The following CACNA2D1 variants were observed in gnomAD, a reference collection of about 807,000 sequenced individuals.
CACNA2D1 encodes the protein voltage-dependent calcium channel subunit alpha-2/delta-1.
Under a neutral mutation model 171.5 loss-of-function variants are expected in CACNA2D1, and 53 were observed. The observed-to-expected ratio is 0.31, with a 90% CI of 0.25 to 0.39. The LOEUF (loss-of-function observed/expected upper bound fraction) is 0.39. Ranked by LOEUF, CACNA2D1 falls within the 10% of genes least tolerant of loss-of-function variation. CACNA2D1 has a pLI of 1.00. For synonymous variants in CACNA2D1, 442 were observed against 443.1 expected, an observed-to-expected ratio of 1.00 and a Z score of 0.03; for missense variants, 903 against 1,299.8, an observed-to-expected ratio of 0.69 and a Z score of 4.69.
chr7:82,246,990 A>G (rs2129306649), intron 3 of CACNA2D1, among the ~76,000 whole-genome samples: 1 of 152,214 alleles, frequency 6.6e-6, no homozygotes, highest in East Asian at 1.9e-4. Flanking sequence ...CTTTGAGAAG[A>G]AGGGAGGTCA....
chr7:82,192,788 T>C (rs778787449), intron 3 of CACNA2D1, among the ~76,000 whole-genome samples: 6 of 148,174 alleles, frequency 4.0e-5, no homozygotes, highest in Admixed American at 1.4e-4. Context: ...TTTTCTTCTG[T>C]AACTCTAACT....
chr7:82,161,344 C>T (rs766536987), intron 4 of CACNA2D1, among the ~76,000 whole-genome samples: 3 of 151,958 alleles, frequency 2.0e-5, no homozygotes, highest in East Asian at 1.9e-4. Flanking sequence ...ATGTACTGAA[C>T]CTCATTATTA....
intron 3 of CACNA2D1, among the ~76,000 whole-genome samples, chr7:82,187,634 A>G (rs1000224216): frequency 6.6e-6 from 1 of 152,206 alleles, no homozygotes. Flanking sequence ...GATTTAATAA[A>G]TTAAATCAGT....
chr7:82,162,684 C>T (rs1485571764), intron 4 of CACNA2D1, among the ~76,000 whole-genome samples: 1 of 151,940 alleles, frequency 6.6e-6, no homozygotes, highest in African/African-American at 2.4e-5. Context: ...CTTCTTTCTA[C>T]TTAGAGACAT....
intron 1 of CACNA2D1, among the ~76,000 whole-genome samples, chr7:82,351,174 T>C (rs1819803155): frequency 6.6e-6 from 1 of 152,122 alleles, no homozygotes; most frequent in South Asian, 2.1e-4. Context: ...TACATATCTA[T>C]ATATAATTTC....
chr7:82,402,026 C>T (rs9649652), intron 1 of CACNA2D1, among the ~76,000 whole-genome samples: 7,140 of 152,168 alleles, frequency 0.047, 187 homozygotes, highest in Middle Eastern at 0.065. Context: ...GCTATCTTTT[C>T]CTAAAAACTA....
In CACNA2D1 at chr7:82,000,771, C is replaced by CTTTTTTTTTTTTTT. The variant is rs774565705; in HGVS notation, c.1591-3535_1591-3522dup. ...TACCATGCCTAACTAATTTTTCTTTCTTTTTTTTTTTTTTTTTTTTTTTTT... is the reference window on the plus strand; with the variant it reads ...TACCATGCCTAACTAATTTTTCTTTCTTTTTTTTTTTTTTTTTTTTTTTTTTTTTTTTTTTTTTT... On this transcript the variant is annotated intron_variant, in intron 18 of 38. Transcript: ENST00000356860. Among the ~76,000 whole-genome samples, 25 of 51,958 alleles carry CTTTTTTTTTTTTTT rather than the reference C, an allele frequency of 4.8e-4. 3 individuals carry two copies. The highest frequency in any genetic ancestry group is 0.023 in the Middle Eastern group (1 of 44). The allele number at this position is 51,958 out of a possible 152,430, so 34.1% of individuals were successfully genotyped here. A position where few individuals can be genotyped will look rare whatever the true frequency, so the allele number is the denominator to read the frequency against.
chr7:82,039,836 G>GT (rs2131217443), intron 10 of CACNA2D1, among the ~76,000 whole-genome samples: 1 of 152,312 alleles, frequency 6.6e-6, no homozygotes, highest in East Asian at 1.9e-4. Context: ...CATAAAGAGA[G>GT]TGAGTTTAGC....
At chr7:82,213,547 C>T (rs1326155805) in intron 3 of CACNA2D1, among the ~76,000 whole-genome samples, 1 of 152,184 alleles carries the variant, frequency 6.6e-6, no homozygotes, top group Non-Finnish European at 1.5e-5. Flanking sequence ...AAGCCAAAAA[C>T]TAAAACAAAA....
chr7:82,173,814 G>A (rs1183363947), intron 3 of CACNA2D1, among the ~76,000 whole-genome samples: 2 of 151,752 alleles, frequency 1.3e-5, no homozygotes, highest in African/African-American at 4.8e-5. Context: ...AAGGGGAGGT[G>A]GGGAAAATCT....
At chr7:82,249,023 A>C (rs1805294121) in intron 3 of CACNA2D1, among the ~76,000 whole-genome samples, 1 of 152,016 alleles carries the variant, frequency 6.6e-6, no homozygotes, top group African/African-American at 2.4e-5. Context: ...AGGCTGAGGC[A>C]GGAGAATGGC....
intron 6 of CACNA2D1, among the ~76,000 whole-genome samples, chr7:82,089,532 C>T (rs187994560): frequency 2.0e-5 from 3 of 152,220 alleles, no homozygotes; most frequent in East Asian, 1.9e-4. Flanking sequence ...CACTGATAAT[C>T]GATTCAGAAA....
intron 3 of CACNA2D1, among the ~76,000 whole-genome samples, chr7:82,325,044 A>G (rs1271560402): frequency 1.3e-5 from 2 of 152,218 alleles, no homozygotes; most frequent in Non-Finnish European, 2.9e-5. Context: ...AAACATGCAC[A>G]TCTCCTTAGT....
rs1336600140 is a variant in CACNA2D1, at chr7:82,013,070, G to A, written c.1272+391C>T. On this transcript the variant is annotated intron_variant, in intron 14 of 38. Coordinates refer to ENST00000356860, the MANE Select transcript of CACNA2D1 (RefSeq NM_000722.4). ...GTATTTAAGTTCCAACTAGGTCCCT[G>A]TAAAATTTGTCCAGCATAATTAGTG... 7.9e-5 allele frequency among the ~76,000 whole-genome samples: 12 copies of A among 151,956 alleles called. No individual in the cohort carries two copies. In the East Asian group the frequency reaches 2.1e-3, roughly 27 times the overall value.
chr7:81,988,395 G>A (rs1404196161), intron 21 of CACNA2D1, among the ~76,000 whole-genome samples: 2 of 152,068 alleles, frequency 1.3e-5, no homozygotes, highest in Non-Finnish European at 2.9e-5. Flanking sequence ...ATAGAAAAAA[G>A]TAAAATAATT....
intron 12 of CACNA2D1, among the ~76,000 whole-genome samples, chr7:82,031,921 G>A (rs1802748730): frequency 6.6e-6 from 1 of 151,940 alleles, no homozygotes. Context: ...ATATATAAAT[G>A]TATGATTTTT....
In CACNA2D1 at chr7:82,365,940, T is replaced by C. The variant is rs141257660; in HGVS notation, c.96-16291A>G. 1.6e-3 allele frequency among the ~76,000 whole-genome samples: 242 copies of C among 152,320 alleles called. 12 individuals are homozygous for C. Among genetic ancestry groups the C allele is most frequent in the Non-Finnish European group, 1.6e-3 (111 of 68,024 alleles). The stretch of plus-strand genomic sequence containing the variant: ...AGCTACTACTGGGAGGAGGTCTTTG[T>C]TGTTCTCTATCATTCTGACAGGGGG... On this transcript the variant is annotated intron_variant, in intron 1 of 38. Transcript: ENST00000356860.
chr7:82,296,958 G>A (rs1013097361), intron 3 of CACNA2D1, among the ~76,000 whole-genome samples: 26 of 151,454 alleles, frequency 1.7e-4, no homozygotes, highest in Admixed American at 4.6e-4. Flanking sequence ...ATATTGGCGG[G>A]GAGTGGTGGC....
At chr7:82,368,390 C>T (rs1473178619) in intron 1 of CACNA2D1, among the ~76,000 whole-genome samples, 1 of 152,164 alleles carries the variant, frequency 6.6e-6, no homozygotes, top group Non-Finnish European at 1.5e-5. Context: ...TTTAAAAGCT[C>T]ATTAAGTTCT....
Sources: gnomAD v4.1 joint callset for allele counts (sites outside exome capture counted in the v4.1 genomes callset) on GRCh38, gnomAD v4.1.1 for gene constraint, MANE v1.5 for transcripts, NCBI Gene and HGNC (gene_info 2026-07-23, HGNC 2026-07-21) for gene names.